The following STRN3 variants were observed in gnomAD, a reference collection of about 807,000 sequenced individuals.
STRN3 encodes the protein striatin 3.
In STRN3, 29 loss-of-function variants were observed where a neutral mutation model predicts 95.6. The ratio of observed to expected loss-of-function variants is 0.30; its 90% CI spans 0.23 to 0.41. The LOEUF (loss-of-function observed/expected upper bound fraction) is 0.41. STRN3 is among the 10% of genes least tolerant of loss of function. The pLI is 1.00. For missense variants in STRN3, 890 were observed against 972.1 expected (o/e 0.92, Z 1.12); for synonymous variants, 331 against 357.6 (o/e 0.93, Z 0.84).
chr14:30,912,137 A>G lies in STRN3; in HGVS notation c.1420T>C (p.Tyr474His). The G allele has an allele frequency of 1.9e-6, 3 of 1,613,484 alleles. No homozygotes were observed. Among genetic ancestry groups the G allele is most frequent in the Non-Finnish European group, 2.5e-6 (3 of 1,179,898 alleles). ...CCATCAAAATGGCTACGTAGTGTAT[A>G]CTTGGGATTCCATGTCTTTCGAAAG... ...DAFRKTWNPK[Y>H]TLRSHFDGVR... The change falls in exon 11 of 18, where the codon TAT (tyrosine) becomes CAT (histidine). Residue 474 changes from tyrosine (Y) to histidine (H), a missense_variant. Around this residue, in one of 3 missense-constraint regions of STRN3, gnomAD observed 357 missense variants for 422.8 expected, o/e 0.84. Transcript: ENST00000357479.
chr14:30,900,009 C>T (rs531752729), intron 16 of STRN3, among the ~76,000 whole-genome samples: 6 of 152,178 alleles, frequency 3.9e-5, no homozygotes, highest in East Asian at 3.9e-4. Flanking sequence ...ACAGCAGTTA[C>T]GGGGACAATC....
At chr14:30,967,130 C>G (rs1880556840) in intron 1 of STRN3, among the ~76,000 whole-genome samples, 1 of 151,802 alleles carries the variant, frequency 6.6e-6, no homozygotes, top group Non-Finnish European at 1.5e-5. Flanking sequence ...CCTGACACAA[C>G]CCCCCACCCC....
At chr14:30,929,954 C>CA (rs1191963792) in intron 7 of STRN3, among the ~76,000 whole-genome samples, 3,351 of 39,906 alleles carry the variant, frequency 0.084, 437 homozygotes, top group Non-Finnish European at 0.11. Context: ...CTAAGATTAG[C>CA]AAAAAAAAAA....
At chr14:30,913,876 A>G (rs979026004) in intron 9 of STRN3, among the ~76,000 whole-genome samples, 1 of 152,224 alleles carries the variant, frequency 6.6e-6, no homozygotes, top group African/African-American at 2.4e-5. Flanking sequence ...TGCACTAGAT[A>G]TATTATTCTG....
At chr14:30,941,038 G>A (rs1280340899) in intron 5 of STRN3, among the ~76,000 whole-genome samples, 1 of 152,266 alleles carries the variant, frequency 6.6e-6, no homozygotes, top group South Asian at 2.1e-4. Context: ...AAAGGAGCCT[G>A]CCTTTTCCAC....
chr14:30,993,443 T>C (rs763576063), intron 1 of STRN3, among the ~76,000 whole-genome samples: 10 of 152,186 alleles, frequency 6.6e-5, no homozygotes, highest in Non-Finnish European at 1.0e-4. Flanking sequence ...ATTTTCTTCC[T>C]AAGATTCACT....
chr14:30,924,269 A>G (rs12894339), intron 8 of STRN3, among the ~76,000 whole-genome samples: 75,616 of 116,428 alleles, frequency 0.65, 25,954 homozygotes, highest in Non-Finnish European at 0.73. Context: ...GCCAGGTACA[A>G]TGGCTCATGC....
chr14:31,024,048 C>T (rs1883648458), intron 1 of STRN3, among the ~76,000 whole-genome samples: 1 of 152,082 alleles, frequency 6.6e-6, no homozygotes, highest in African/African-American at 2.4e-5. Context: ...TTAAGGAGAC[C>T]TAGAAGGGAA....
At chr14:30,968,748 T>A (rs369672278) in intron 1 of STRN3, among the ~76,000 whole-genome samples, 7,005 of 93,974 alleles carry the variant, frequency 0.075, 205 homozygotes, top group Middle Eastern at 0.11. Flanking sequence ...TCTGTGAAAG[T>A]TGTGGAGAAA....
intron 1 of STRN3, among the ~76,000 whole-genome samples, chr14:31,018,986 G>C (rs745400980): frequency 2.6e-5 from 4 of 152,156 alleles, no homozygotes; most frequent in Non-Finnish European, 5.9e-5. Flanking sequence ...AGTCGGGCAT[G>C]GTGGCACACC....
At chr14:30,932,710 G>A (rs759080957) in intron 7 of STRN3, among the ~76,000 whole-genome samples, 15 of 151,954 alleles carry the variant, frequency 9.9e-5, no homozygotes, top group Non-Finnish European at 1.9e-4. Context: ...AAGACCAATC[G>A]GTTGTACATA....
chr14:30,955,607 G>T lies in STRN3; in HGVS notation c.460+13C>A. 1 of 1,543,310 alleles carries T rather than the reference G, an allele frequency of 6.5e-7. No individual in the cohort carries two copies. Among genetic ancestry groups the T allele is most frequent in the Admixed American group, 2.3e-5 (1 of 43,302 alleles). Reference sequence around the variant, plus strand: ...ATTAAAAAAAAAAAAAGTAACAGAAGAAGCAAGTTTACCTGACTCAAAGGT... The same window carrying T: ...ATTAAAAAAAAAAAAAGTAACAGAATAAGCAAGTTTACCTGACTCAAAGGT... On this transcript the variant is annotated intron_variant, in intron 3 of 17. Transcript: ENST00000357479.
intron 7 of STRN3, among the ~76,000 whole-genome samples, chr14:30,929,967 A>AAAAAAAAC (rs1878430121): frequency 1.4e-4 from 13 of 91,212 alleles, no homozygotes; most frequent in African/African-American, 4.6e-4. Context: ...AAAAAAAAAA[A>AAAAAAAAC]AAAAAAAAAA....
chr14:30,935,993 C>G (rs1048209839), intron 6 of STRN3, among the ~76,000 whole-genome samples: 1 of 152,192 alleles, frequency 6.6e-6, no homozygotes, highest in African/African-American at 2.4e-5. Flanking sequence ...ACTTTGGCTT[C>G]TACAGCAAGC....
At chr14:30,991,046 T>C (rs1389584860) in intron 1 of STRN3, among the ~76,000 whole-genome samples, 1 of 152,186 alleles carries the variant, frequency 6.6e-6, no homozygotes, top group Non-Finnish European at 1.5e-5. Flanking sequence ...TCTTGACTAA[T>C]ATGAGAAAGA....
At chr14:30,902,276 GA>G (rs1566425520) in intron 16 of STRN3, among the ~76,000 whole-genome samples, 1 of 148,982 alleles carries the variant, frequency 6.7e-6, no homozygotes, top group Non-Finnish European at 1.5e-5. Flanking sequence ...GAATATGAGG[GA>G]AAAATTTCAA....
chr14:30,973,459 T>A (rs1170544829), intron 1 of STRN3, among the ~76,000 whole-genome samples: 1 of 151,370 alleles, frequency 6.6e-6, no homozygotes, highest in African/African-American at 2.4e-5. Flanking sequence ...TAAAGTTAAA[T>A]TAGTAACCAC....
chr14:30,933,297 A>AAAC (rs987466963), intron 7 of STRN3, among the ~76,000 whole-genome samples: 1 of 150,494 alleles, frequency 6.6e-6, no homozygotes, highest in Non-Finnish European at 1.5e-5. Context: ...AAAAAAAAAA[A>AAAC]AAAAAAAACG....
chr14:31,013,566 A>G (rs983549582), intron 1 of STRN3, among the ~76,000 whole-genome samples: 9 of 152,050 alleles, frequency 5.9e-5, no homozygotes, highest in Admixed American at 5.2e-4. Context: ...TGGTGAGTAT[A>G]AGACTTAATT....
Sources: allele counts gnomAD v4.1 joint callset (sites outside exome capture counted in the v4.1 genomes callset), GRCh38; gene constraint gnomAD v4.1.1; regional missense constraint gnomAD v4.1.1; transcripts MANE v1.5; gene names NCBI Gene and HGNC (gene_info 2026-07-23, HGNC 2026-07-21).